RUNDC3B: variants seen among roughly 807,000 people sequenced by gnomAD.
The protein encoded by RUNDC3B is RUN domain-containing protein 3B.
RUNDC3B carries 33 observed loss-of-function variants against 58.4 expected under a neutral mutation model. The ratio of observed to expected loss-of-function variants is 0.56; its 90% CI spans 0.43 to 0.75. The LOEUF (loss-of-function observed/expected upper bound fraction) is 0.75. Ranked by LOEUF, RUNDC3B falls within the 30% of genes least tolerant of loss-of-function variation. RUNDC3B has a pLI of 0.00. For synonymous variants in RUNDC3B, 193 were observed against 195.2 expected, an observed-to-expected ratio of 0.99 and a Z score of 0.10; for missense variants, 501 against 535.7, an observed-to-expected ratio of 0.94 and a Z score of 0.64.
chr7:87,650,242 TAGTTTTTTC>T (rs1317749644), intron 1 of RUNDC3B, among the ~76,000 whole-genome samples: 6 of 152,178 alleles, frequency 3.9e-5, no homozygotes, highest in Admixed American at 2.6e-4. Context: ...TTCTGAGTCT[TAGTTTTTTC>T]AGTAGATACT....
intron 2 of RUNDC3B, among the ~76,000 whole-genome samples, chr7:87,682,731 C>A (rs1284220457): frequency 6.6e-6 from 1 of 152,172 alleles, no homozygotes; most frequent in East Asian, 1.9e-4. Flanking sequence ...AGAGCTCAGG[C>A]AGAGTAGATT....
At chr7:87,798,955 C>T (rs2130919865) in intron 8 of RUNDC3B, among the ~76,000 whole-genome samples, 1 of 152,104 alleles carries the variant, frequency 6.6e-6, no homozygotes, top group East Asian at 1.9e-4. Context: ...ATCTTTATCC[C>T]ATGACTATGT....
intron 10 of RUNDC3B, among the ~76,000 whole-genome samples, chr7:87,816,834 A>T (rs1837070501): frequency 6.6e-6 from 1 of 152,136 alleles, no homozygotes; most frequent in African/African-American, 2.4e-5. Context: ...GGCTAGTTTG[A>T]ATTATATGGT....
intron 2 of RUNDC3B, among the ~76,000 whole-genome samples, chr7:87,671,133 T>C (rs1437965325): frequency 6.6e-6 from 1 of 152,196 alleles, no homozygotes; most frequent in Non-Finnish European, 1.5e-5. Flanking sequence ...GTCTGTACTG[T>C]GGCCCCAGGC....
intron 1 of RUNDC3B, among the ~76,000 whole-genome samples, chr7:87,640,726 A>G (rs1276027782): frequency 6.6e-6 from 1 of 151,688 alleles, no homozygotes; most frequent in Non-Finnish European, 1.5e-5. Flanking sequence ...CATGGTTTCT[A>G]TTCTTCTTTC....
At chr7:87,735,810 T>G (rs1831892004) in intron 4 of RUNDC3B, among the ~76,000 whole-genome samples, 1 of 152,214 alleles carries the variant, frequency 6.6e-6, no homozygotes, top group South Asian at 2.1e-4. Context: ...TTATTTACTT[T>G]ATATTTATCA....
chr7:87,801,267 TAGAA>T (rs1380185635), intron 8 of RUNDC3B, among the ~76,000 whole-genome samples: 3 of 152,036 alleles, frequency 2.0e-5, no homozygotes, highest in Non-Finnish European at 4.4e-5. Context: ...GACCAAGGAA[TAGAA>T]AGAAAGAAAG....
At chr7:87,674,912 G>C (rs1484481918) in intron 2 of RUNDC3B, among the ~76,000 whole-genome samples, 5 of 152,176 alleles carry the variant, frequency 3.3e-5, no homozygotes, top group Non-Finnish European at 7.4e-5. Flanking sequence ...GTAAGCCTTG[G>C]GGGAGGGGCA....
At position 87,831,380 on chromosome 7, in the gene RUNDC3B, T is replaced by C. The variant is rs942118828; in HGVS notation, c.*1350T>C. The C allele has an allele frequency of 1.3e-5, 2 of 151,862 alleles. No individual in the cohort carries two copies. The highest frequency in any genetic ancestry group is 4.8e-5 in the African/African-American group (2 of 41,394). The allele number at this position is 151,862 out of a possible 1,614,324, so 9.4% of individuals were successfully genotyped here. On this transcript the variant is annotated 3_prime_UTR_variant, in exon 11 of 11. Coordinates refer to ENST00000394654, the MANE Select transcript of RUNDC3B (RefSeq NM_001134405.2). ...GTAGGAGTGTGGTGGTTTTCTGCAA[T>C]ATTTAGAGCTTAGTCTCATAATTTG...
At chr7:87,776,107 C>A in intron 7 of RUNDC3B, among the ~76,000 whole-genome samples, 1 of 151,634 alleles carries the variant, frequency 6.6e-6, no homozygotes, top group African/African-American at 2.4e-5. Flanking sequence ...AGTATAAAAC[C>A]AATAGTAAGA....
intron 4 of RUNDC3B, among the ~76,000 whole-genome samples, chr7:87,736,735 T>C (rs1016309516): frequency 6.7e-6 from 1 of 148,514 alleles, no homozygotes; most frequent in Non-Finnish European, 1.5e-5. Flanking sequence ...ATTTATAATA[T>C]GTTGAACTTA....
chr7:87,660,176 A>G (rs942207849), intron 2 of RUNDC3B, among the ~76,000 whole-genome samples: 32 of 152,054 alleles, frequency 2.1e-4, no homozygotes, highest in African/African-American at 6.8e-4. Context: ...GTTTGGAATC[A>G]TGGTCTATTA....
chr7:87,697,431 A>G (rs1585130016), intron 2 of RUNDC3B, among the ~76,000 whole-genome samples: 1 of 152,238 alleles, frequency 6.6e-6, no homozygotes, highest in Non-Finnish European at 1.5e-5. Context: ...ATGATCCCAG[A>G]TAATAGAAGT....
At chr7:87,824,670 G>A (rs1837700814) in intron 10 of RUNDC3B, among the ~76,000 whole-genome samples, 1 of 152,120 alleles carries the variant, frequency 6.6e-6, no homozygotes, top group Non-Finnish European at 1.5e-5. Context: ...GGAAAGTTTG[G>A]AACTTCCTAG....
chr7:87,701,593 A>G (rs1829040927), intron 3 of RUNDC3B, among the ~76,000 whole-genome samples: 1 of 152,230 alleles, frequency 6.6e-6, no homozygotes, highest in Admixed American at 6.5e-5. Flanking sequence ...CAGTAGATTT[A>G]ATGTACTATA....
chr7:87,788,297 C>T (rs1412388567), intron 8 of RUNDC3B, among the ~76,000 whole-genome samples: 1 of 152,024 alleles, frequency 6.6e-6, no homozygotes, highest in Non-Finnish European at 1.5e-5. Flanking sequence ...GTGCTGTGTG[C>T]CTGTAGTCCT....
chr7:87,798,718 G>A (rs1488705884), intron 8 of RUNDC3B, among the ~76,000 whole-genome samples: 5 of 152,090 alleles, frequency 3.3e-5, no homozygotes, highest in Non-Finnish European at 7.4e-5. Flanking sequence ...ACTCATTAAT[G>A]TCTCTTTCTT....
intron 8 of RUNDC3B, among the ~76,000 whole-genome samples, chr7:87,805,893 T>A (rs952904459): frequency 4.6e-5 from 7 of 152,198 alleles, no homozygotes; most frequent in Admixed American, 3.9e-4. Flanking sequence ...TCATAATAGA[T>A]TCTCTGGCCA....
chr7:87,713,140 G>A (rs971410243), intron 4 of RUNDC3B: 2 of 152,104 alleles, frequency 1.3e-5, no homozygotes, highest in African/African-American at 2.4e-5. Context: ...CAAACAATTA[G>A]AAAGAGTATT....
Sources: gnomAD v4.1 joint callset for allele counts (sites outside exome capture counted in the v4.1 genomes callset) on GRCh38, gnomAD v4.1.1 for gene constraint, MANE v1.5 for transcripts, NCBI Gene and HGNC (gene_info 2026-07-23, HGNC 2026-07-21) for gene names.